PLCB4: variants seen among roughly 807,000 people sequenced by gnomAD.
The protein encoded by PLCB4 is phospholipase C beta 4, also known as 1-phosphatidylinositol 4,5-bisphosphate phosphodiesterase beta-4.
Under a neutral mutation model 178.8 loss-of-function variants are expected in PLCB4, and 77 were observed. The observed-to-expected ratio is 0.43, with a 90% CI of 0.36 to 0.52. The LOEUF is 0.52. PLCB4 is among the 20% of genes least tolerant of loss of function. The pLI is 0.00. For missense variants in PLCB4, 1,024 were observed against 1,453.4 expected (o/e 0.70, Z 4.80); for synonymous variants, 496 against 490.8 (o/e 1.01, Z -0.14).
At chr20:9,418,573 T>C (rs1409751808) in intron 25 of PLCB4, among the ~76,000 whole-genome samples, 1 of 152,162 alleles carries the variant, frequency 6.6e-6, no homozygotes, top group African/African-American at 2.4e-5. Context: ...ATCTTGTAGC[T>C]TAGTAATAAG....
intron 3 of PLCB4, among the ~76,000 whole-genome samples, chr20:9,294,078 A>C (rs1311520089): frequency 6.6e-6 from 1 of 152,282 alleles, no homozygotes; most frequent in African/African-American, 2.4e-5. Flanking sequence ...CTTTCTCCTC[A>C]GCTCATTTGT....
intron 2 of PLCB4, among the ~76,000 whole-genome samples, chr20:9,210,707 C>T (rs2147239527): frequency 6.6e-6 from 1 of 152,234 alleles, no homozygotes; most frequent in Middle Eastern, 3.4e-3. Context: ...AAAAGATCAC[C>T]ATGGATTCAT....
At chr20:9,438,175 G>T (rs2041891959) in intron 30 of PLCB4, among the ~76,000 whole-genome samples, 1 of 151,974 alleles carries the variant, frequency 6.6e-6, no homozygotes, top group African/African-American at 2.4e-5. Context: ...GACCATCCTG[G>T]CTAACATGTT....
intron 19 of PLCB4, among the ~76,000 whole-genome samples, chr20:9,398,419 G>A (rs1421232354): frequency 6.6e-6 from 1 of 152,084 alleles, no homozygotes; most frequent in Non-Finnish European, 1.5e-5. Context: ...TTATAGAACT[G>A]TGTTTCAAAT....
chr20:9,163,683 A>C (rs538744963), intron 2 of PLCB4, among the ~76,000 whole-genome samples: 2 of 152,254 alleles, frequency 1.3e-5, no homozygotes, highest in South Asian at 4.1e-4. Context: ...TAAATATGAA[A>C]AATTTAAAAC....
intron 3 of PLCB4, among the ~76,000 whole-genome samples, chr20:9,226,447 T>C (rs1026230437): frequency 3.3e-4 from 51 of 152,286 alleles, no homozygotes; most frequent in Admixed American, 2.5e-3. Flanking sequence ...GATTTTTAAA[T>C]TTGTCACCTG....
intron 3 of PLCB4, among the ~76,000 whole-genome samples, chr20:9,279,273 G>A (rs2094474528): frequency 6.6e-6 from 1 of 152,056 alleles, no homozygotes; most frequent in Admixed American, 6.6e-5. Context: ...TATGCAGAGT[G>A]TAAAAGTTGA....
At chr20:9,225,257 AAGTT>A (rs1457441829) in intron 3 of PLCB4, among the ~76,000 whole-genome samples, 3 of 152,200 alleles carry the variant, frequency 2.0e-5, no homozygotes, top group Non-Finnish European at 2.9e-5. Context: ...GTAAAAGAAA[AAGTT>A]AGAGAAGAGA....
At chr20:9,265,071 C>T (rs1201900468) in intron 3 of PLCB4, among the ~76,000 whole-genome samples, 7 of 152,194 alleles carry the variant, frequency 4.6e-5, no homozygotes, top group African/African-American at 1.7e-4. Flanking sequence ...CCTTGCACCA[C>T]ATTTAGAAAC....
At position 9,167,844 on chromosome 20, in the gene PLCB4, C is replaced by T. The variant is rs556948909; in HGVS notation, c.-78-49546C>T. Among the ~76,000 whole-genome samples, 12 of 152,224 alleles carry T rather than the reference C, an allele frequency of 7.9e-5. 1 individual carries two copies. Among genetic ancestry groups the T allele is most frequent in the African/African-American group, 1.7e-4 (7 of 41,522 alleles). ...TAAACACATGTAGTTATGAAACAAA[C>T]GGTGAAACCATGACTAGCCACAGAT... is the stretch of plus-strand genomic sequence containing the variant. On this transcript the variant is annotated intron_variant, in intron 2 of 39. Coordinates refer to ENST00000378473, the MANE Select transcript of PLCB4 (RefSeq NM_001377142.1).
intron 4 of PLCB4, among the ~76,000 whole-genome samples, chr20:9,316,037 T>C (rs980144889): frequency 3.3e-5 from 5 of 152,004 alleles, no homozygotes; most frequent in Non-Finnish European, 7.4e-5. Flanking sequence ...GAGGCAAACA[T>C]AGTCTTGGCA....
chr20:9,319,768 C>T (rs77565263), intron 4 of PLCB4, among the ~76,000 whole-genome samples: 1 of 152,178 alleles, frequency 6.6e-6, no homozygotes. Context: ...TTTATTCATT[C>T]CATCAATTCA....
At position 9,280,949 on chromosome 20, in the gene PLCB4, C is replaced by CAAAA. The variant is rs76377634; in HGVS notation, c.-15-26839_-15-26836dup. 8.4e-5 allele frequency among the ~76,000 whole-genome samples: 7 copies of CAAAA among 83,022 alleles called. No homozygotes were observed. The South Asian group carries it at 2.3e-3, about 27-fold the overall frequency. 54.5% of individuals were successfully genotyped at this position (83,022 alleles called of 152,430 possible). A position where few individuals can be genotyped will look rare whatever the true frequency, so the allele number is the denominator to read the frequency against. On this transcript the variant is annotated intron_variant, in intron 3 of 39. Transcript: ENST00000378473. ...GCTTAGGGCAAAGAAACATCTGCTA[C>CAAAA]AAAAAAAAAAAAAAAGAGGTATACC...
intron 4 of PLCB4, among the ~76,000 whole-genome samples, chr20:9,329,472 T>C (rs930700889): frequency 5.9e-5 from 9 of 152,178 alleles, no homozygotes; most frequent in African/African-American, 2.2e-4. Context: ...AAGCACTGTG[T>C]ATGTTACCTA....
intron 2 of PLCB4, among the ~76,000 whole-genome samples, chr20:9,124,095 G>A (rs1405879604): frequency 1.3e-5 from 2 of 152,106 alleles, no homozygotes; most frequent in Non-Finnish European, 2.9e-5. Flanking sequence ...ATTTAAATAT[G>A]TAAAAACCAA....
chr20:9,370,309 T>G (rs1160765364), intron 9 of PLCB4, among the ~76,000 whole-genome samples: 2 of 152,302 alleles, frequency 1.3e-5, no homozygotes, highest in South Asian at 2.1e-4. Flanking sequence ...CAACCCATCA[T>G]GTTGACAGTA....
chr20:9,465,839 C>T (rs933303105), intron 35 of PLCB4, among the ~76,000 whole-genome samples: 45 of 152,216 alleles, frequency 3.0e-4, no homozygotes, highest in Admixed American at 8.5e-4. Context: ...GAATCAGTAT[C>T]GTGAAAATGC....
At chr20:9,277,701 C>T (rs2094461918) in intron 3 of PLCB4, among the ~76,000 whole-genome samples, 1 of 151,788 alleles carries the variant, frequency 6.6e-6, no homozygotes, top group Non-Finnish European at 1.5e-5. Flanking sequence ...AGAGCTCAGT[C>T]ACTGGAAGGG....
At chr20:9,151,469 T>C (rs1388538339) in intron 2 of PLCB4, among the ~76,000 whole-genome samples, 2 of 152,082 alleles carry the variant, frequency 1.3e-5, no homozygotes, top group African/African-American at 4.8e-5. Flanking sequence ...GGTTGGTCTT[T>C]GCTGTGTTAT....
Sources: allele counts gnomAD v4.1 joint callset (sites outside exome capture counted in the v4.1 genomes callset), GRCh38; gene constraint gnomAD v4.1.1; transcripts MANE v1.5; gene names NCBI Gene and HGNC (gene_info 2026-07-23, HGNC 2026-07-21).